Variants in GTF2F2 observed in about 807,000 individuals in gnomAD.
GTF2F2 encodes the protein ATP-dependent helicase GTF2F2.
Under a neutral mutation model 42.2 loss-of-function variants are expected in GTF2F2, and 23 were observed. The observed-to-expected ratio is 0.55, with a 90% CI of 0.39 to 0.77. The LOEUF (loss-of-function observed/expected upper bound fraction) is 0.77. Among genes scored for constraint, GTF2F2 ranks in the 30% least tolerant of loss-of-function variants. The probability of loss-of-function intolerance (pLI) is 0.00; values close to 1 mark genes in which losing one functional copy is unlikely to be tolerated. For missense variants in GTF2F2, 261 were observed against 287.2 expected (o/e 0.91, Z 0.66); for synonymous variants, 105 against 100.8 (o/e 1.04, Z -0.25).
intron 7 of GTF2F2, among the ~76,000 whole-genome samples, chr13:45,277,602 A>C (rs1422146458): frequency 6.6e-6 from 1 of 152,192 alleles, no homozygotes; most frequent in Non-Finnish European, 1.5e-5. Flanking sequence ...GTTTGATCAC[A>C]GTTTCTTCCT....
chr13:45,231,545 G>A (rs1427991240), intron 5 of GTF2F2, among the ~76,000 whole-genome samples: 2 of 152,120 alleles, frequency 1.3e-5, no homozygotes, highest in Non-Finnish European at 2.9e-5. Flanking sequence ...GAATCAATAG[G>A]GAGTCCTCCT....
At chr13:45,242,408 C>G (rs1378338699) in intron 5 of GTF2F2, among the ~76,000 whole-genome samples, 2 of 151,920 alleles carry the variant, frequency 1.3e-5, no homozygotes, top group African/African-American at 2.4e-5. Flanking sequence ...GCCTCCGTCT[C>G]CCCCTTTCAA....
intron 5 of GTF2F2, among the ~76,000 whole-genome samples, chr13:45,215,688 G>A (rs1873857616): frequency 6.6e-6 from 1 of 151,654 alleles, no homozygotes. Context: ...TAGAACCCAG[G>A]AGGCAGAGGT....
chr13:45,229,206 C>T (rs943200175), intron 5 of GTF2F2, among the ~76,000 whole-genome samples: 17 of 152,016 alleles, frequency 1.1e-4, no homozygotes, highest in Non-Finnish European at 2.1e-4. Flanking sequence ...CCACTCCCCT[C>T]GCTCCCTCTT....
At chr13:45,128,964 C>T (rs1224154211) in intron 1 of GTF2F2, among the ~76,000 whole-genome samples, 4 of 152,108 alleles carry the variant, frequency 2.6e-5, no homozygotes, top group Non-Finnish European at 5.9e-5. Context: ...TTAAATTTGC[C>T]TTAATGTATG....
chr13:45,237,019 G>A (rs1875027466), intron 5 of GTF2F2, among the ~76,000 whole-genome samples: 1 of 152,082 alleles, frequency 6.6e-6, no homozygotes, highest in Non-Finnish European at 1.5e-5. Context: ...GTTAAACTCA[G>A]ACATTCTATT....
chr13:45,138,257 T>C (rs554402883), intron 2 of GTF2F2, among the ~76,000 whole-genome samples: 2 of 152,186 alleles, frequency 1.3e-5, no homozygotes, highest in Non-Finnish European at 2.9e-5. Context: ...GTGTTCTCAT[T>C]TGGTCTCATG....
intron 2 of GTF2F2, among the ~76,000 whole-genome samples, chr13:45,141,578 T>C (rs1285970693): frequency 1.3e-5 from 2 of 152,224 alleles, no homozygotes; most frequent in African/African-American, 4.8e-5. Context: ...AGTTATTCTA[T>C]GCATTACTAG....
chr13:45,196,547 G>A (rs1872900203), intron 4 of GTF2F2, among the ~76,000 whole-genome samples: 1 of 152,180 alleles, frequency 6.6e-6, no homozygotes, highest in Non-Finnish European at 1.5e-5. Flanking sequence ...CACTGCACAT[G>A]AGTAGCATCA....
Position 45,236,490 on chromosome 13 carries a change from TACAC to T in GTF2F2, c.387-16345_387-16342del, listed in dbSNP as rs3047056. ...TTGATTCCTCACCCCCCGCCACACA[TACAC>T]ACACACACACACACACACACACACA... is the stretch of plus-strand genomic sequence containing the variant. On this transcript the variant is annotated intron_variant, in intron 5 of 7. Transcript: ENST00000340473. Among the ~76,000 whole-genome samples, 1,389 of 141,986 alleles carry T rather than the reference TACAC, an allele frequency of 9.8e-3. 8 individuals carry two copies. Among genetic ancestry groups the T allele is most frequent in the African/African-American group, 0.02 (801 of 39,800 alleles). 93.1% of individuals were successfully genotyped at this position (141,986 alleles called of 152,430 possible).
chr13:45,149,929 G>A (rs911621389), intron 3 of GTF2F2, 141 bp downstream of exon 3: 58 of 697,998 alleles, frequency 8.3e-5, no homozygotes, highest in Admixed American at 4.3e-4. Context: ...AGGTATAAAT[G>A]CCACCCTTGT....
intron 5 of GTF2F2, among the ~76,000 whole-genome samples, chr13:45,226,493 A>G (rs1046539213): frequency 6.6e-6 from 1 of 152,102 alleles, no homozygotes; most frequent in Non-Finnish European, 1.5e-5. Flanking sequence ...TGTCATTCCA[A>G]TCTTATATCA....
chr13:45,124,671 TCTC>T (rs1868881147), intron 1 of GTF2F2, among the ~76,000 whole-genome samples: 1 of 152,096 alleles, frequency 6.6e-6, no homozygotes, highest in Non-Finnish European at 1.5e-5. Flanking sequence ...TTCAAGCTAT[TCTC>T]CTGCCTCAGC....
At chr13:45,273,757 C>G (rs1366688463) in intron 7 of GTF2F2, among the ~76,000 whole-genome samples, 11 of 150,110 alleles carry the variant, frequency 7.3e-5, no homozygotes, top group Non-Finnish European at 1.6e-4. Flanking sequence ...CTGGTTCAAG[C>G]GATTCTCCTG....
intron 4 of GTF2F2, among the ~76,000 whole-genome samples, chr13:45,156,278 A>G (rs752461246): frequency 2.6e-5 from 4 of 152,242 alleles, no homozygotes; most frequent in Non-Finnish European, 4.4e-5. Flanking sequence ...AAAGAGGAAA[A>G]AAGCATGTGT....
At chr13:45,154,427 A>G (rs1043002994) in intron 4 of GTF2F2, among the ~76,000 whole-genome samples, 3 of 152,182 alleles carry the variant, frequency 2.0e-5, no homozygotes, top group East Asian at 1.9e-4. Flanking sequence ...ATGTGGTTTT[A>G]TAAGGATTAT....
intron 2 of GTF2F2, among the ~76,000 whole-genome samples, chr13:45,144,240 C>G (rs913533744): frequency 6.6e-6 from 1 of 151,610 alleles, no homozygotes; most frequent in Non-Finnish European, 1.5e-5. Flanking sequence ...TCAACAAGCG[C>G]AAAACTCAGT....
At chr13:45,251,716 T>G (rs2138246593) in intron 5 of GTF2F2, among the ~76,000 whole-genome samples, 1 of 152,304 alleles carries the variant, frequency 6.6e-6, no homozygotes, top group African/African-American at 2.4e-5. Flanking sequence ...AATAAATTCT[T>G]GAGTAGTTTC....
chr13:45,234,351 A>T (rs544349366), intron 5 of GTF2F2, among the ~76,000 whole-genome samples: 4 of 152,024 alleles, frequency 2.6e-5, no homozygotes, highest in South Asian at 2.1e-4. Flanking sequence ...AGCAGTGCAC[A>T]TAAAATAATA....
Sources: gnomAD v4.1 joint callset for allele counts (sites outside exome capture counted in the v4.1 genomes callset) on GRCh38, gnomAD v4.1.1 for gene constraint, MANE v1.5 for transcripts, NCBI Gene and HGNC (gene_info 2026-07-23, HGNC 2026-07-21) for gene names.